Variants in ARHGAP20 observed in about 807,000 individuals in gnomAD.
The protein encoded by ARHGAP20 is rho GTPase-activating protein 20.
In ARHGAP20, 34 loss-of-function variants were observed where a neutral mutation model predicts 73.7. That is an observed-to-expected ratio of 0.46 (90% CI 0.35 to 0.61). ARHGAP20 has a LOEUF of 0.61. ARHGAP20 is among the 20% of genes least tolerant of loss of function. The pLI is 0.00. For synonymous variants in ARHGAP20, 523 were observed against 518.2 expected (o/e 1.01, Z -0.13); for missense variants, 1,314 against 1,420.9 (o/e 0.92, Z 1.21).
Position 110,579,276 on chromosome 11 carries a change from C to G in ARHGAP20, c.*94G>C. On this transcript the variant is annotated 3_prime_UTR_variant, in exon 15 of 15. Coordinates refer to ENST00000683387, the MANE Select transcript of ARHGAP20 (RefSeq NM_001384657.1). ...AGCAATGATAATCCTTATGCTACCT[C>G]TCCCAGGTATCTTATACAAAGGGGT... The G allele has an allele frequency of 6.8e-7, 1 of 1,461,828 alleles. No homozygotes were observed. The highest frequency in any genetic ancestry group is 1.6e-5 in the South Asian group (1 of 62,194). 90.6% of individuals were successfully genotyped at this position (1,461,828 alleles called of 1,614,324 possible).
intron 1 of ARHGAP20, chr11:110,711,767 G>A (rs1950663369): frequency 1.3e-5 from 18 of 1,356,932 alleles, no homozygotes; most frequent in Non-Finnish European, 1.5e-5. Flanking sequence ...GGGAGGCCCA[G>A]GGGCACGGCG....
At chr11:110,662,955 A>G (rs1949647543) in intron 2 of ARHGAP20, among the ~76,000 whole-genome samples, 1 of 152,006 alleles carries the variant, frequency 6.6e-6, no homozygotes, top group South Asian at 2.1e-4. Context: ...GCAATCCTGT[A>G]TACCAAAGAA....
intron 4 of ARHGAP20, among the ~76,000 whole-genome samples, chr11:110,618,325 A>G (rs1415516647): frequency 6.6e-6 from 1 of 152,242 alleles, no homozygotes; most frequent in Non-Finnish European, 1.5e-5. Context: ...ATGGGGGTTT[A>G]AGATGAGTTT....
intron 3 of ARHGAP20, among the ~76,000 whole-genome samples, chr11:110,627,048 G>C (rs1056852349): frequency 6.6e-6 from 1 of 151,988 alleles, no homozygotes; most frequent in Non-Finnish European, 1.5e-5. Flanking sequence ...GAATTAAAAA[G>C]TGTGAATCCA....
chr11:110,580,056 A>T lies in ARHGAP20; in HGVS notation c.2890T>A (p.Ser964Thr). Residue 964 changes from serine to threonine, a missense_variant, in exon 15 of 15, where the codon TCT becomes ACT. Physicochemically the swap from Ser to Thr is moderately conservative, Grantham distance 58 (BLOSUM62 1). Transcript: ENST00000683387. ...DSAFSQISEH[S>T]VFTPTETSSP... ...GAAGTCTCAGTGGGTGTAAACACAG[A>T]GTGTTCAGAAATCTGAGAAAAAGCA... is the stretch of plus-strand genomic sequence containing the variant. 1 of 1,614,180 alleles carries T rather than the reference A, an allele frequency of 6.2e-7. No homozygotes were observed. Among genetic ancestry groups the T allele is most frequent in the Non-Finnish European group, 8.5e-7 (1 of 1,180,022 alleles).
At chr11:110,677,510 T>C (rs900487164) in intron 2 of ARHGAP20, among the ~76,000 whole-genome samples, 2 of 151,996 alleles carry the variant, frequency 1.3e-5, no homozygotes, top group Non-Finnish European at 2.9e-5. Context: ...CCAGGTGTGG[T>C]GGTATGCACC....
intron 1 of ARHGAP20, among the ~76,000 whole-genome samples, chr11:110,701,272 G>A (rs1753396684): frequency 6.6e-6 from 1 of 150,424 alleles, no homozygotes; most frequent in African/African-American, 2.4e-5. Flanking sequence ...TTTAATGATT[G>A]CCATTCTAAC....
chr11:110,608,144 A>G (rs926406944), intron 8 of ARHGAP20, among the ~76,000 whole-genome samples: 1 of 152,214 alleles, frequency 6.6e-6, no homozygotes, highest in African/African-American at 2.4e-5. Flanking sequence ...AGACAAATGA[A>G]AGAATTACAT....
At chr11:110,681,764 C>T (rs1390666759) in intron 2 of ARHGAP20, among the ~76,000 whole-genome samples, 1 of 152,084 alleles carries the variant, frequency 6.6e-6, no homozygotes. Flanking sequence ...AGTGAATGAA[C>T]CCAAAGTGGA....
chr11:110,699,652 CTCA>C (rs1235318604), intron 1 of ARHGAP20, among the ~76,000 whole-genome samples: 1 of 151,792 alleles, frequency 6.6e-6, no homozygotes, highest in African/African-American at 2.4e-5. Context: ...TTATATAATG[CTCA>C]TTTGTCTTTT....
chr11:110,640,128 A>G (rs1003109853), intron 2 of ARHGAP20, among the ~76,000 whole-genome samples: 5 of 151,958 alleles, frequency 3.3e-5, no homozygotes, highest in African/African-American at 4.8e-5. Context: ...TGTTTTGAGA[A>G]TATTCTAATT....
intron 2 of ARHGAP20, among the ~76,000 whole-genome samples, chr11:110,638,148 CA>C (rs1210145203): frequency 6.6e-6 from 1 of 151,934 alleles, no homozygotes; most frequent in African/African-American, 2.4e-5. Flanking sequence ...ACCACTATGA[CA>C]CCATAAGTAC....
intron 9 of ARHGAP20, among the ~76,000 whole-genome samples, chr11:110,594,273 TTGGCTC>T (rs1947898706): frequency 1.3e-5 from 2 of 152,202 alleles, no homozygotes; most frequent in South Asian, 4.1e-4. Flanking sequence ...GTAAAGCTCT[TTGGCTC>T]TAGAGTCAGG....
At chr11:110,586,761 G>C (rs1805734044) in intron 11 of ARHGAP20, among the ~76,000 whole-genome samples, 1 of 152,134 alleles carries the variant, frequency 6.6e-6, no homozygotes, top group African/African-American at 2.4e-5. Context: ...TTATTCATAT[G>C]TGCCAAGCAC....
intron 2 of ARHGAP20, among the ~76,000 whole-genome samples, chr11:110,666,079 C>T (rs573471107): frequency 4.5e-4 from 68 of 152,020 alleles, no homozygotes; most frequent in African/African-American, 1.3e-3. Context: ...CACATACTAC[C>T]ATTGAACAAC....
intron 2 of ARHGAP20, among the ~76,000 whole-genome samples, chr11:110,681,767 A>C (rs1565474980): frequency 6.6e-6 from 1 of 152,212 alleles, no homozygotes; most frequent in Admixed American, 6.5e-5. Context: ...GAATGAACCC[A>C]AAGTGGAAGC....
intron 2 of ARHGAP20, among the ~76,000 whole-genome samples, chr11:110,648,177 A>ATATATATATGTAAATATATATATATATG (rs1949245599): frequency 8.6e-6 from 1 of 116,936 alleles, no homozygotes; most frequent in Non-Finnish European, 1.7e-5. Flanking sequence ...ATGTAAATAT[A>ATATATATATGTAAATATATATATATATG]TATATATATA....
chr11:110,696,511 A>G (rs1003221179), intron 1 of ARHGAP20, among the ~76,000 whole-genome samples: 9 of 151,568 alleles, frequency 5.9e-5, no homozygotes, highest in Non-Finnish European at 1.5e-5. Context: ...TGTCCATTTG[A>G]GTTCTTCAGA....
Position 110,712,275 on chromosome 11 carries a change from C to G in ARHGAP20, c.-44G>C, listed in dbSNP as rs1018391178. The stretch of plus-strand genomic sequence containing the variant: ...AATCCCAGCCCAGGAGGAGGCTACA[C>G]GATCATGTCCGCGGGCTGCCGGCCG... On this transcript the variant is annotated 5_prime_UTR_variant, in exon 1 of 15. Coordinates refer to ENST00000683387, the MANE Select transcript of ARHGAP20 (RefSeq NM_001384657.1). 8 of 1,270,098 alleles carry G rather than the reference C, an allele frequency of 6.3e-6. No homozygotes were observed. Among genetic ancestry groups the G allele is most frequent in the Non-Finnish European group, 7.0e-6 (7 of 998,454 alleles). The allele number at this position is 1,270,098 out of a possible 1,614,324, so 78.7% of individuals were successfully genotyped here. A position where few individuals can be genotyped will look rare whatever the true frequency, so the allele number is the denominator to read the frequency against.
Sources: allele counts gnomAD v4.1 joint callset (sites outside exome capture counted in the v4.1 genomes callset), GRCh38; gene constraint gnomAD v4.1.1; transcripts MANE v1.5; gene names NCBI Gene and HGNC (gene_info 2026-07-23, HGNC 2026-07-21).